The following ARL15 variants were observed in gnomAD, a reference collection of about 807,000 sequenced individuals.
ARL15 encodes ADP-ribosylation factor-like protein 15.
ARL15 carries 19 observed loss-of-function variants against 25.2 expected under a neutral mutation model. That is an observed-to-expected ratio of 0.75 (90% CI 0.53 to 1.10). The LOEUF is 1.10. Among genes scored for constraint, ARL15 ranks in the 50% least tolerant of loss-of-function variants. The pLI is 0.00. For missense variants in ARL15, 220 were observed against 246.0 expected (o/e 0.89, Z 0.71); for synonymous variants, 94 against 86.8 (o/e 1.08, Z -0.46).
At chr5:54,059,913 T>G (rs535260858) in intron 4 of ARL15, among the ~76,000 whole-genome samples, 111 of 152,240 alleles carry the variant, frequency 7.3e-4, no homozygotes, top group Non-Finnish European at 1.3e-3. Context: ...CAAGCTGATA[T>G]TTAGATTCAT....
chr5:54,204,938 T>TG (rs1333872261), intron 1 of ARL15, among the ~76,000 whole-genome samples: 2 of 151,102 alleles, frequency 1.3e-5, no homozygotes, highest in Non-Finnish European at 2.9e-5. Context: ...CTTGCCTTTT[T>TG]TTTTTTTTTC....
intron 4 of ARL15, among the ~76,000 whole-genome samples, chr5:53,934,881 G>T (rs1261704961): frequency 2.0e-5 from 3 of 152,180 alleles, no homozygotes; most frequent in Non-Finnish European, 2.9e-5. Flanking sequence ...ATTCAAGCTG[G>T]TAACATCACA....
chr5:54,172,342 C>G (rs1579871640), intron 1 of ARL15, among the ~76,000 whole-genome samples: 1 of 152,072 alleles, frequency 6.6e-6, no homozygotes, highest in Non-Finnish European at 1.5e-5. Flanking sequence ...GACTGAGGAA[C>G]TGTTCCATGT....
chr5:54,287,083 T>C (rs181141854), intron 1 of ARL15, among the ~76,000 whole-genome samples: 24 of 152,126 alleles, frequency 1.6e-4, no homozygotes, highest in Admixed American at 1.0e-3. Context: ...TCTCACTATG[T>C]TGGCCAGGTT....
intron 3 of ARL15, among the ~76,000 whole-genome samples, chr5:54,127,451 C>A (rs1753295116): frequency 6.6e-6 from 1 of 151,784 alleles, no homozygotes; most frequent in Non-Finnish European, 1.5e-5. Context: ...CCTAGGAATC[C>A]AACTTACAAG....
intron 4 of ARL15, among the ~76,000 whole-genome samples, chr5:53,909,005 T>C (rs1471309345): frequency 1.3e-5 from 2 of 152,164 alleles, no homozygotes; most frequent in East Asian, 1.9e-4. Flanking sequence ...AAAAGTTCCA[T>C]TCATAGGTGG....
chr5:54,083,889 T>C (rs1751877326), intron 4 of ARL15, among the ~76,000 whole-genome samples: 1 of 152,156 alleles, frequency 6.6e-6, no homozygotes, highest in Non-Finnish European at 1.5e-5. Flanking sequence ...TCAATGAAGA[T>C]TTATCATACA....
intron 2 of ARL15, among the ~76,000 whole-genome samples, chr5:54,169,166 A>G (rs1029481968): frequency 6.6e-6 from 1 of 152,196 alleles, no homozygotes; most frequent in Non-Finnish European, 1.5e-5. Flanking sequence ...TAAGAAAATT[A>G]TATACAGATA....
chr5:54,183,781 C>T (rs1262310083), intron 1 of ARL15, among the ~76,000 whole-genome samples: 2 of 151,260 alleles, frequency 1.3e-5, no homozygotes, highest in African/African-American at 4.9e-5. Flanking sequence ...AATCATGCTG[C>T]TATAAAAACA....
intron 1 of ARL15, among the ~76,000 whole-genome samples, chr5:54,297,272 G>A (rs2112702940): frequency 6.6e-6 from 1 of 152,322 alleles, no homozygotes; most frequent in African/African-American, 2.4e-5. Context: ...TTCTTTGGAG[G>A]GGTCCCTGGG....
intron 4 of ARL15, among the ~76,000 whole-genome samples, chr5:53,937,326 T>C (rs1456474954): frequency 6.6e-6 from 1 of 151,926 alleles, no homozygotes; most frequent in Non-Finnish European, 1.5e-5. Flanking sequence ...CAGCCTGATG[T>C]GGAGTTTTAA....
chr5:53,983,628 C>A (rs1202563862), intron 4 of ARL15, among the ~76,000 whole-genome samples: 21 of 152,212 alleles, frequency 1.4e-4, no homozygotes, highest in Non-Finnish European at 2.4e-4. Context: ...AATTGGTCTA[C>A]TTTCTTTAAT....
chr5:54,198,412 A>C (rs923156056), intron 1 of ARL15, among the ~76,000 whole-genome samples: 2 of 152,050 alleles, frequency 1.3e-5, no homozygotes, highest in African/African-American at 4.8e-5. Flanking sequence ...GTCTCAGCCC[A>C]AAATCTCCTT....
At chr5:54,155,254 T>C (rs971643800) in intron 2 of ARL15, among the ~76,000 whole-genome samples, 5 of 152,220 alleles carry the variant, frequency 3.3e-5, no homozygotes, top group African/African-American at 1.2e-4. Flanking sequence ...TTATCAGATA[T>C]AAGAAAGACA....
intron 1 of ARL15, among the ~76,000 whole-genome samples, chr5:54,244,400 G>T (rs1275251797): frequency 2.0e-5 from 3 of 152,108 alleles, no homozygotes; most frequent in Non-Finnish European, 4.4e-5. Flanking sequence ...CACAGAAAGG[G>T]TCTTTATCTG....
chr5:54,029,679 A>G (rs1749910943), intron 4 of ARL15, among the ~76,000 whole-genome samples: 1 of 152,064 alleles, frequency 6.6e-6, no homozygotes, highest in African/African-American at 2.4e-5. Flanking sequence ...TGTAACACAG[A>G]AAGACCCTGT....
chr5:53,907,479 T>TATAC lies in ARL15; in HGVS notation c.463-20767_463-20766insGTAT, dbSNP rs1554025276. On this transcript the variant is annotated intron_variant, in intron 4 of 4. Coordinates refer to ENST00000504924, the MANE Select transcript of ARL15 (RefSeq NM_019087.3). ...GTTCATATATATATATATATATATA[T>TATAC]ATATATATATTTTTTTTTTTTTTTT... 3.4e-4 allele frequency among the ~76,000 whole-genome samples: 12 copies of TATAC among 35,214 alleles called. 1 individual carries two copies. The highest frequency in any genetic ancestry group is 1.5e-3 in the African/African-American group (12 of 7,900). 23.1% of individuals were successfully genotyped at this position (35,214 alleles called of 152,430 possible).
intron 1 of ARL15, among the ~76,000 whole-genome samples, chr5:54,192,452 T>C (rs1664668): frequency 0.26 from 39,727 of 151,984 alleles, 5,710 homozygotes; most frequent in African/African-American, 0.36. Context: ...AATTGTTTTA[T>C]TGAATTATTT....
intron 3 of ARL15, among the ~76,000 whole-genome samples, chr5:54,135,517 C>T (rs1163194930): frequency 2.0e-5 from 3 of 152,186 alleles, no homozygotes; most frequent in Non-Finnish European, 4.4e-5. Flanking sequence ...TTCCCAATTA[C>T]TATCTAGGGG....
Sources: gnomAD v4.1 joint callset for allele counts (sites outside exome capture counted in the v4.1 genomes callset) on GRCh38, gnomAD v4.1.1 for gene constraint, MANE v1.5 for transcripts, NCBI Gene and HGNC (gene_info 2026-07-23, HGNC 2026-07-21) for gene names.